The following JMJD1C variants were observed in gnomAD, a reference collection of about 807,000 sequenced individuals.
The protein encoded by JMJD1C is jumonji domain-containing protein 1C.
JMJD1C carries 31 observed loss-of-function variants against 245.3 expected under a neutral mutation model. The ratio of observed to expected loss-of-function variants is 0.13; its 90% CI spans 0.09 to 0.17. The LOEUF is 0.17. Among genes scored for constraint, JMJD1C ranks in the 10% least tolerant of loss-of-function variants. JMJD1C has a pLI of 1.00. For synonymous variants in JMJD1C, 1,057 were observed against 1,017.4 expected, an observed-to-expected ratio of 1.04 and a Z score of -0.74; for missense variants, 2,691 against 3,000.2, an observed-to-expected ratio of 0.90 and a Z score of 2.41.
At chr10:63,180,769 ATTT>A (rs11318245) in intron 22 of JMJD1C, among the ~76,000 whole-genome samples, 6 of 128,834 alleles carry the variant, frequency 4.7e-5, no homozygotes, top group Admixed American at 7.6e-5. Flanking sequence ...TGCACAGCTA[ATTT>A]TTTTTTTTTT....
intron 3 of JMJD1C, among the ~76,000 whole-genome samples, chr10:63,255,040 G>T (rs949554668): frequency 2.6e-5 from 4 of 151,546 alleles, no homozygotes; most frequent in Non-Finnish European, 5.9e-5. Context: ...TTTGTAGACA[G>T]GGGTTCTCCC....
chr10:63,182,547 T>C (rs939664400), intron 22 of JMJD1C, among the ~76,000 whole-genome samples: 2 of 152,198 alleles, frequency 1.3e-5, no homozygotes, highest in African/African-American at 4.8e-5. Flanking sequence ...GGAGGCTTTC[T>C]TTCGAGAAAG....
intron 1 of JMJD1C, chr10:63,521,534 G>C: frequency 7.1e-7 from 1 of 1,417,130 alleles, no homozygotes; most frequent in South Asian, 1.5e-5. Context: ...TGGGGCCCAA[G>C]CCCCCGTGAA....
intron 10 of JMJD1C, chr10:63,204,901 G>A (rs1846415938): frequency 1.2e-5 from 12 of 985,280 alleles, no homozygotes; most frequent in African/African-American, 1.7e-5. Flanking sequence ...GGCACAAATG[G>A]GAGCCTTCAA....
intron 16 of JMJD1C, 60 bp downstream of exon 16, chr10:63,192,860 TTTATTGTACAATAGTACA>T (rs1844999128): frequency 1.8e-6 from 2 of 1,095,642 alleles, no homozygotes. Context: ...TTAACAGTAC[TTTATTGTACAATAGTACA>T]TTGTTGGTTA....
chr10:63,302,231 A>G (rs956118982), intron 2 of JMJD1C, among the ~76,000 whole-genome samples: 2 of 152,190 alleles, frequency 1.3e-5, no homozygotes, highest in Non-Finnish European at 2.9e-5. Flanking sequence ...ACATACAAGA[A>G]GAAGCCCTGT....
chr10:63,278,657 T>C (rs113370574), intron 2 of JMJD1C, among the ~76,000 whole-genome samples: 20,768 of 151,494 alleles, frequency 0.14, 3,272 homozygotes, highest in African/African-American at 0.39. Flanking sequence ...CTGACCAACA[T>C]GGAGAAATCC....
chr10:63,445,101 T>C (rs1382360593), intron 1 of JMJD1C, among the ~76,000 whole-genome samples: 1 of 151,894 alleles, frequency 6.6e-6, no homozygotes, highest in Admixed American at 6.6e-5. Flanking sequence ...GGTGTGGTGG[T>C]ACACATCTGT....
intron 22 of JMJD1C, among the ~76,000 whole-genome samples, chr10:63,181,968 T>C (rs1335061856): frequency 6.6e-6 from 1 of 152,226 alleles, no homozygotes; most frequent in Non-Finnish European, 1.5e-5. Flanking sequence ...CCTATTATAG[T>C]CAATAGTGTC....
intron 3 of JMJD1C, among the ~76,000 whole-genome samples, chr10:63,260,385 G>A (rs1051384095): frequency 5.9e-5 from 9 of 152,082 alleles, no homozygotes; most frequent in African/African-American, 1.9e-4. Context: ...GAAAACTGTA[G>A]GTGTGTGCAC....
In JMJD1C at chr10:63,323,778, T is replaced by C. The variant is rs150977833; in HGVS notation, c.333+56540A>G. Among the ~76,000 whole-genome samples, 17 of 152,214 alleles carry C rather than the reference T, an allele frequency of 1.1e-4. 1 individual carries two copies. Among genetic ancestry groups the C allele is most frequent in the Middle Eastern group, 6.8e-3 (2 of 294 alleles). Reference sequence around the variant, plus strand: ...GAGTTCTCCACAAAAACAGGACCAATAGAGTGTGAGCATATTTGTGTGTGT... The same window carrying C: ...GAGTTCTCCACAAAAACAGGACCAACAGAGTGTGAGCATATTTGTGTGTGT... On this transcript the variant is annotated intron_variant, in intron 2 of 25. Transcript: ENST00000399262.
intron 1 of JMJD1C, among the ~76,000 whole-genome samples, chr10:63,516,234 G>GA (rs35469301): frequency 0.43 from 59,758 of 138,930 alleles, 13,048 homozygotes; most frequent in South Asian, 0.55. Context: ...GACTTTGAGG[G>GA]AAAAAAAAAA....
At chr10:63,507,580 G>A (rs1001077543) in intron 1 of JMJD1C, among the ~76,000 whole-genome samples, 2 of 139,900 alleles carry the variant, frequency 1.4e-5, no homozygotes, top group African/African-American at 5.4e-5. Flanking sequence ...GGAAGGTGGA[G>A]GTTGTAGTGA....
intron 2 of JMJD1C, among the ~76,000 whole-genome samples, chr10:63,300,135 T>C (rs1380762572): frequency 6.6e-6 from 1 of 152,186 alleles, no homozygotes; most frequent in Non-Finnish European, 1.5e-5. Context: ...ACATTAAAGT[T>C]AATACAATGT....
At chr10:63,421,059 G>T (rs1231549207) in intron 1 of JMJD1C, among the ~76,000 whole-genome samples, 1 of 152,216 alleles carries the variant, frequency 6.6e-6, no homozygotes, top group Admixed American at 6.5e-5. Flanking sequence ...CTCAGGCCAG[G>T]TGTGGTGGCT....
intron 1 of JMJD1C, among the ~76,000 whole-genome samples, chr10:63,441,810 G>T (rs1042615061): frequency 1.3e-5 from 2 of 152,060 alleles, no homozygotes; most frequent in Non-Finnish European, 2.9e-5. Flanking sequence ...ATCACTTTCA[G>T]TTCTCTGGCC....
At chr10:63,446,271 G>A (rs1261982504) in intron 1 of JMJD1C, among the ~76,000 whole-genome samples, 1 of 152,088 alleles carries the variant, frequency 6.6e-6, no homozygotes, top group African/African-American at 2.4e-5. Context: ...TGACTGCAAG[G>A]GACCTAAACT....
intron 1 of JMJD1C, among the ~76,000 whole-genome samples, chr10:63,495,893 TAAAG>T (rs1274898437): frequency 2.0e-5 from 3 of 151,204 alleles, no homozygotes. Flanking sequence ...TTTTAGCAAT[TAAAG>T]AAGAAATTAT....
intron 1 of JMJD1C, among the ~76,000 whole-genome samples, chr10:63,463,610 C>A (rs1952955386): frequency 6.6e-6 from 1 of 152,070 alleles, no homozygotes; most frequent in East Asian, 1.9e-4. Flanking sequence ...ATGGTAGATT[C>A]TAGGCTAAAA....
Sources: allele counts gnomAD v4.1 joint callset (sites outside exome capture counted in the v4.1 genomes callset), GRCh38; gene constraint gnomAD v4.1.1; transcripts MANE v1.5; gene names NCBI Gene and HGNC (gene_info 2026-07-23, HGNC 2026-07-21).